The following IQSEC3 variants were observed in gnomAD, a reference collection of about 807,000 sequenced individuals.
IQSEC3 encodes the protein IQ motif and SEC7 domain-containing protein 3.
IQSEC3 carries 50 observed loss-of-function variants against 105.4 expected under a neutral mutation model. The observed-to-expected ratio is 0.47, with a 90% CI of 0.38 to 0.60. The LOEUF (loss-of-function observed/expected upper bound fraction) is 0.60, where lower values mean the gene tolerates loss of function less well. Among genes scored for constraint, IQSEC3 ranks in the 20% least tolerant of loss-of-function variants. The pLI is 0.00. For synonymous variants in IQSEC3, 708 were observed against 746.0 expected, an observed-to-expected ratio of 0.95 and a Z score of 0.83; for missense variants, 1,415 against 1,630.0, an observed-to-expected ratio of 0.87 and a Z score of 2.27.
chr12:76,548 C>G (rs554585734), intron 1 of IQSEC3, among the ~76,000 whole-genome samples: 2 of 152,402 alleles, frequency 1.3e-5, no homozygotes, highest in South Asian at 2.1e-4. Context: ...AGTTCCTTTT[C>G]CTTTCTCTGC....
chr12:104,098 T>C (rs1249583462), intron 2 of IQSEC3, among the ~76,000 whole-genome samples: 3 of 152,064 alleles, frequency 2.0e-5, no homozygotes, highest in Non-Finnish European at 4.4e-5. Flanking sequence ...ACATTATTTA[T>C]TGAACGTGCC....
At chr12:67,773 T>C (rs1479207486) in intron 1 of IQSEC3, among the ~76,000 whole-genome samples, 2 of 148,982 alleles carry the variant, frequency 1.3e-5, no homozygotes, top group East Asian at 1.9e-4. Context: ...GATTAAACTG[T>C]AGAAAAGAGA....
chr12:133,954 AAAAT>A (rs1261932849), intron 3 of IQSEC3, among the ~76,000 whole-genome samples: 1 of 151,990 alleles, frequency 6.6e-6, no homozygotes, highest in Non-Finnish European at 1.5e-5. Flanking sequence ...GGTTCAGTGT[AAAAT>A]AGGAAGAAAG....
Position 152,516 on chromosome 12 carries a change from T to C in IQSEC3, c.2154-4509T>C, listed in dbSNP as rs1555092932. On this transcript the variant is annotated intron_variant, in intron 5 of 13. Transcript: ENST00000538872. The surrounding 1 kb of genome is among the most constrained non-coding windows in gnomAD (Gnocchi z 4.8). ...GAATGAGATGTGTGCAGCACGCCTGTAGGGCTGGCTGTCTAGTGTACTTCA... is the reference window on the plus strand; with the variant it reads ...GAATGAGATGTGTGCAGCACGCCTGCAGGGCTGGCTGTCTAGTGTACTTCA... 6.6e-6 allele frequency among the ~76,000 whole-genome samples: 1 copy of C among 152,230 alleles called. No homozygotes were observed. The highest frequency in any genetic ancestry group is 1.5e-5 in the Non-Finnish European group (1 of 68,046).
intron 3 of IQSEC3, among the ~76,000 whole-genome samples, chr12:135,304 G>A (rs1243667928): frequency 2.0e-5 from 3 of 152,206 alleles, no homozygotes; most frequent in African/African-American, 7.2e-5. Flanking sequence ...CCTATTCCAG[G>A]CCTCAGGGAA....
At position 175,044 on chromosome 12, in the gene IQSEC3, AC is replaced by A; in HGVS notation, c.*13del. 1 of 1,497,984 alleles carries A rather than the reference AC, an allele frequency of 6.7e-7. No individual in the cohort carries two copies. The highest frequency in any genetic ancestry group is 1.9e-5 in the Admixed American group (1 of 51,372). 92.8% of individuals were successfully genotyped at this position (1,497,984 alleles called of 1,614,324 possible). ...AGGAGCCTGGTGTAGACTCTGCCCC[AC>A]CACCCTGCTGTCCTGGGAGGGCTGG... On this transcript the variant is annotated 3_prime_UTR_variant, in exon 14 of 14. Transcript: ENST00000538872.
chr12:104,128 C>A (rs913795659), intron 2 of IQSEC3, among the ~76,000 whole-genome samples: 1 of 152,096 alleles, frequency 6.6e-6, no homozygotes, highest in African/African-American at 2.4e-5. Flanking sequence ...GTGCTGGGCA[C>A]TCTTGATATT....
chr12:109,299 C>T (rs1166799559), intron 2 of IQSEC3, among the ~76,000 whole-genome samples: 2 of 152,206 alleles, frequency 1.3e-5, no homozygotes, highest in African/African-American at 4.8e-5. Flanking sequence ...CAGTTAGCCA[C>T]AGTCCCCATC....
intron 5 of IQSEC3, among the ~76,000 whole-genome samples, chr12:145,782 C>G (rs910752620): frequency 6.6e-6 from 1 of 152,252 alleles, no homozygotes; most frequent in Non-Finnish European, 1.5e-5. Flanking sequence ...TATTTCCTTT[C>G]TGAAATGTTC....
intron 2 of IQSEC3, among the ~76,000 whole-genome samples, chr12:121,783 C>G (rs1865226499): frequency 6.6e-6 from 1 of 152,200 alleles, no homozygotes; most frequent in South Asian, 2.1e-4. Context: ...GATTCTAGCT[C>G]AGAAAACAGC....
chr12:147,166 G>C (rs979138555), intron 5 of IQSEC3, among the ~76,000 whole-genome samples: 2 of 152,162 alleles, frequency 1.3e-5, no homozygotes, highest in Non-Finnish European at 2.9e-5. Flanking sequence ...TGATAGCTGT[G>C]GCTGCAACAG....
chr12:151,496 C>A (rs1385444174), intron 5 of IQSEC3, among the ~76,000 whole-genome samples: 14 of 152,292 alleles, frequency 9.2e-5, no homozygotes, highest in African/African-American at 2.9e-4. Flanking sequence ...TTATCTGTAG[C>A]TTGGACCTCT....
intron 2 of IQSEC3, among the ~76,000 whole-genome samples, chr12:107,509 A>T (rs1555078259): frequency 7.2e-6 from 1 of 139,282 alleles, no homozygotes; most frequent in African/African-American, 2.7e-5. Flanking sequence ...TCCCGGGTTC[A>T]CGCCATTCTC....
chr12:79,652 G>A (rs1565380335), intron 1 of IQSEC3, among the ~76,000 whole-genome samples: 1 of 151,998 alleles, frequency 6.6e-6, no homozygotes, highest in South Asian at 2.1e-4. Context: ...GGCTGGTCTC[G>A]AACTCCTGGC....
intron 1 of IQSEC3, among the ~76,000 whole-genome samples, chr12:91,875 A>AGAC (rs1394824615): frequency 2.6e-5 from 4 of 152,146 alleles, no homozygotes; most frequent in Non-Finnish European, 4.4e-5. Context: ...CCTCCAGTGC[A>AGAC]GACCATTGAC....
chr12:103,477 GA>G (rs1555076806), intron 2 of IQSEC3, among the ~76,000 whole-genome samples: 7 of 96,580 alleles, frequency 7.2e-5, no homozygotes, highest in Non-Finnish European at 8.6e-5. Context: ...CGGGGCTCAG[GA>G]GGGGAGGCGG....
chr12:148,827 CT>C (rs1478192497), intron 5 of IQSEC3: 1 of 152,172 alleles, frequency 6.6e-6, no homozygotes, highest in Non-Finnish European at 1.5e-5. Flanking sequence ...CGAGCTAGGG[CT>C]TCACCTTCCA....
intron 5 of IQSEC3, among the ~76,000 whole-genome samples, chr12:146,337 C>A (rs1555091033): frequency 1.3e-5 from 2 of 152,198 alleles, no homozygotes; most frequent in Non-Finnish European, 2.9e-5. Flanking sequence ...GAGGCCCAGG[C>A]AGGGATTGTG....
At chr12:84,894 AGAGG>A (rs1409979529) in intron 1 of IQSEC3, among the ~76,000 whole-genome samples, 4 of 152,184 alleles carry the variant, frequency 2.6e-5, no homozygotes, top group Admixed American at 2.6e-4. Flanking sequence ...CTCACAGCCC[AGAGG>A]CCACCTCCTC....
Sources: allele counts gnomAD v4.1 joint callset (sites outside exome capture counted in the v4.1 genomes callset), GRCh38; gene constraint gnomAD v4.1.1; non-coding constraint Gnocchi (gnomAD v3.1); transcripts MANE v1.5; gene names NCBI Gene and HGNC (gene_info 2026-07-23, HGNC 2026-07-21).